PDE1A: variants seen among roughly 807,000 people sequenced by gnomAD.
PDE1A encodes the protein dual specificity calcium/calmodulin-dependent 3',5'-cyclic nucleotide phosphodiesterase 1A.
Under a neutral mutation model 61.7 loss-of-function variants are expected in PDE1A, and 35 were observed. The observed-to-expected ratio is 0.57, with a 90% confidence interval of 0.43 to 0.75. PDE1A has a LOEUF of 0.75. Ranked by LOEUF, PDE1A falls within the 30% of genes least tolerant of loss-of-function variation. The pLI is 0.00. For missense variants in PDE1A, 597 were observed against 630.6 expected (o/e 0.95, Z 0.57); for synonymous variants, 232 against 213.2 (o/e 1.09, Z -0.77).
chr2:182,187,383 G>C (rs915003403), intron 11 of PDE1A, among the ~76,000 whole-genome samples: 2 of 152,116 alleles, frequency 1.3e-5, no homozygotes, highest in Admixed American at 1.3e-4. Flanking sequence ...CCTATTCTAA[G>C]GTCTGTGTAC....
chr2:182,319,091 G>T (rs546416021), intron 1 of PDE1A, among the ~76,000 whole-genome samples: 97 of 151,948 alleles, frequency 6.4e-4, no homozygotes, highest in African/African-American at 2.3e-3. Context: ...TTCCCATTTC[G>T]GTAATTTTTG....
the PDE1A span, among the ~76,000 whole-genome samples, chr2:182,647,378 A>C: frequency 6.6e-6 from 1 of 152,232 alleles, no homozygotes; most frequent in Non-Finnish European, 1.5e-5. Context: ...TAGTTAGATT[A>C]GATTGGATCG....
Position 182,502,479 on chromosome 2 carries a change from T to C in PDE1A, c.101+19797A>G, listed in dbSNP as rs562445327. On this transcript the variant is annotated intron_variant, in intron 2 of 14. Coordinates refer to the PDE1A transcript ENST00000410103. ...AACTTTCACTCCCTGAACGTTCTCA[T>C]TGAGTCCTGTGATTTTAAATACACC... Among the ~76,000 whole-genome samples, 5 of 152,326 alleles carry C rather than the reference T, an allele frequency of 3.3e-5. No individual in the cohort carries two copies. In the East Asian group the frequency reaches 7.7e-4, roughly 24 times the overall value.
At chr2:182,251,047 T>C (rs920280925) in intron 2 of PDE1A, among the ~76,000 whole-genome samples, 1 of 152,204 alleles carries the variant, frequency 6.6e-6, no homozygotes, top group Middle Eastern at 3.2e-3. Flanking sequence ...TGCTGATGAC[T>C]CTTGGCTTCC....
chr2:182,665,166 A>G, the PDE1A span, among the ~76,000 whole-genome samples: 1 of 152,188 alleles, frequency 6.6e-6, no homozygotes, highest in African/African-American at 2.4e-5. Flanking sequence ...AGTAAAAAAG[A>G]CTTCAGAAGT....
chr2:182,525,615 G>C (rs949343942), upstream of PDE1A, among the ~76,000 whole-genome samples: 1 of 152,136 alleles, frequency 6.6e-6, no homozygotes, highest in Non-Finnish European at 1.5e-5. Context: ...CGCCAAGATT[G>C]AAAGTTTCCT....
chr2:182,712,990 C>T, the PDE1A span, among the ~76,000 whole-genome samples: 1 of 152,180 alleles, frequency 6.6e-6, no homozygotes, highest in Non-Finnish European at 1.5e-5. Context: ...TCTGCTTTTA[C>T]ATTCCCATTT....
chr2:182,336,748 C>T (rs1039943101), intron 1 of PDE1A, among the ~76,000 whole-genome samples: 3 of 128,276 alleles, frequency 2.3e-5, no homozygotes, highest in Non-Finnish European at 5.1e-5. Flanking sequence ...GCACATGTAC[C>T]CCAGAACTTA....
the PDE1A span, among the ~76,000 whole-genome samples, chr2:182,597,535 G>A: frequency 1.3e-5 from 2 of 152,252 alleles, no homozygotes; most frequent in East Asian, 3.9e-4. Context: ...GGTCCTGAGA[G>A]GTGTGGGGGA....
the PDE1A span, among the ~76,000 whole-genome samples, chr2:182,577,755 A>G: frequency 1.1e-3 from 161 of 152,296 alleles, 1 homozygote; most frequent in African/African-American, 3.7e-3. Context: ...CCCCGTCTCT[A>G]CTAAAAATAC....
intron 13 of PDE1A, among the ~76,000 whole-genome samples, chr2:182,155,340 C>G (rs936974466): frequency 1.3e-5 from 2 of 152,058 alleles, no homozygotes; most frequent in Non-Finnish European, 2.9e-5. Flanking sequence ...CTGCTCATCT[C>G]GGCCTCCAGT....
intron 1 of PDE1A, among the ~76,000 whole-genome samples, chr2:182,397,774 C>T (rs980317616): frequency 2.6e-5 from 4 of 152,000 alleles, no homozygotes; most frequent in African/African-American, 7.2e-5. Flanking sequence ...TTTTGGTCAT[C>T]TGTGTGTCTC....
At chr2:182,556,879 A>G in the PDE1A span, among the ~76,000 whole-genome samples, 18 of 152,230 alleles carry the variant, frequency 1.2e-4, no homozygotes, top group African/African-American at 4.1e-4. Flanking sequence ...GTACATGTAT[A>G]TTGTTAACGA....
the PDE1A span, among the ~76,000 whole-genome samples, chr2:182,669,265 C>T: frequency 3.9e-5 from 6 of 152,150 alleles, no homozygotes; most frequent in African/African-American, 1.2e-4. Context: ...CTTGTTTTGG[C>T]CCATTTTGTT....
chr2:182,410,003 CA>C (rs992858008), intron 1 of PDE1A, among the ~76,000 whole-genome samples: 22 of 151,918 alleles, frequency 1.4e-4, no homozygotes, highest in African/African-American at 5.3e-4. Context: ...AATAAACGTA[CA>C]AAAAATTTTC....
intron 1 of PDE1A, among the ~76,000 whole-genome samples, chr2:182,326,725 C>T (rs1697070357): frequency 6.6e-6 from 1 of 152,066 alleles, no homozygotes; most frequent in Non-Finnish European, 1.5e-5. Flanking sequence ...GTTATTTTAT[C>T]ACAATAATAA....
chr2:182,166,863 G>A (rs1691678369), downstream of PDE1A, among the ~76,000 whole-genome samples: 1 of 152,036 alleles, frequency 6.6e-6, no homozygotes, highest in Non-Finnish European at 1.5e-5. Context: ...ATTAATTATT[G>A]GAGTGCTTCT....
upstream of PDE1A, among the ~76,000 whole-genome samples, chr2:182,526,753 C>T (rs1055246536): frequency 6.6e-6 from 1 of 152,088 alleles, no homozygotes; most frequent in African/African-American, 2.4e-5. Flanking sequence ...GGAATGAATC[C>T]TGAAACACAC....
chr2:182,647,992 C>G, the PDE1A span, among the ~76,000 whole-genome samples: 1 of 152,104 alleles, frequency 6.6e-6, no homozygotes, highest in Non-Finnish European at 1.5e-5. Context: ...GAGAGACTTT[C>G]CTCTAGAAAG....
Sources: allele counts gnomAD v4.1 joint callset (sites outside exome capture counted in the v4.1 genomes callset), GRCh38; gene constraint gnomAD v4.1.1; transcripts MANE v1.5; gene names NCBI Gene and HGNC (gene_info 2026-07-23, HGNC 2026-07-21).